CNTNAP2: variants seen among roughly 807,000 people sequenced by gnomAD.
The protein encoded by CNTNAP2 is contactin associated protein 2, also known as contactin-associated protein-like 2.
A neutral mutation model predicts 155.2 loss-of-function variants in CNTNAP2; 98 were observed. That is an observed-to-expected ratio of 0.63 (90% CI 0.54 to 0.75). The LOEUF is 0.75. Among genes scored for constraint, CNTNAP2 ranks in the 30% least tolerant of loss-of-function variants. The probability of loss-of-function intolerance (pLI) is 0.00; values close to 1 mark genes in which losing one functional copy is unlikely to be tolerated. For missense variants in CNTNAP2, 1,727 were observed against 1,688.1 expected (o/e 1.02, Z -0.40); for synonymous variants, 651 against 631.2 (o/e 1.03, Z -0.47).
At chr7:146,463,046 G>A (rs570549485) in intron 1 of CNTNAP2, among the ~76,000 whole-genome samples, 65 of 152,030 alleles carry the variant, frequency 4.3e-4, no homozygotes, top group Non-Finnish European at 8.2e-4. Context: ...TGGGAGCAAG[G>A]GAAGGGCAGA....
intron 12 of CNTNAP2, among the ~76,000 whole-genome samples, chr7:147,600,184 G>C (rs1407703889): frequency 6.6e-6 from 1 of 152,136 alleles, no homozygotes; most frequent in Non-Finnish European, 1.5e-5. Context: ...CTCATAACTT[G>C]ATCACTCCTA....
At position 148,145,664 on chromosome 7, in the gene CNTNAP2, T is replaced by A. The variant is rs1585150440; in HGVS notation, c.2555-1827T>A. Among the ~76,000 whole-genome samples, 8 of 152,304 alleles carry A rather than the reference T, an allele frequency of 5.3e-5. 1 individual carries two copies. The South Asian group carries it at 1.7e-3, about 32-fold the overall frequency. ...ACAGTGTTATGAGAACAGAACAGAT[T>A]TAATCTGAAACCAAGGCTACTTTTT... On this transcript the variant is annotated intron_variant, in intron 16 of 23. Transcript: ENST00000361727.
chr7:146,428,801 G>A (rs776941840), intron 1 of CNTNAP2, among the ~76,000 whole-genome samples: 7 of 151,772 alleles, frequency 4.6e-5, no homozygotes, highest in African/African-American at 7.3e-5. Context: ...TGTTTTTGGC[G>A]TTTTCATCAT....
intron 1 of CNTNAP2, among the ~76,000 whole-genome samples, chr7:146,123,697 GA>G (rs57766516): frequency 0.42 from 63,339 of 151,840 alleles, 15,134 homozygotes; most frequent in East Asian, 0.61. Flanking sequence ...AGGAATACAT[GA>G]AAAAAATAAT....
intron 1 of CNTNAP2, among the ~76,000 whole-genome samples, chr7:146,450,768 T>C (rs988692178): frequency 4.6e-5 from 7 of 152,146 alleles, no homozygotes; most frequent in Non-Finnish European, 1.0e-4. Flanking sequence ...ATCTTCAATT[T>C]TTTTCCTCTT....
At chr7:146,191,587 A>T (rs777894282) in intron 1 of CNTNAP2, among the ~76,000 whole-genome samples, 1 of 152,088 alleles carries the variant, frequency 6.6e-6, no homozygotes, top group African/African-American at 2.4e-5. Context: ...GGCTTATTTC[A>T]TCCCTTATCT....
chr7:146,133,198 G>A (rs1797743784), intron 1 of CNTNAP2, among the ~76,000 whole-genome samples: 2 of 152,046 alleles, frequency 1.3e-5, no homozygotes, highest in Non-Finnish European at 2.9e-5. Flanking sequence ...TTTTTTGTTT[G>A]CATAAATGTC....
intron 22 of CNTNAP2, among the ~76,000 whole-genome samples, chr7:148,397,759 C>T (rs1406011874): frequency 6.6e-6 from 1 of 152,230 alleles, no homozygotes; most frequent in Admixed American, 6.5e-5. Context: ...TGATGTGAGC[C>T]AGGCACCAGG....
intron 14 of CNTNAP2, among the ~76,000 whole-genome samples, chr7:147,968,413 T>C (rs10227736): frequency 0.13 from 19,662 of 152,194 alleles, 2,002 homozygotes; most frequent in African/African-American, 0.29. Flanking sequence ...TTAATCACTC[T>C]CATTGCTTCC....
chr7:147,362,886 T>C (rs1056307712), intron 9 of CNTNAP2, among the ~76,000 whole-genome samples: 2 of 151,934 alleles, frequency 1.3e-5, no homozygotes, highest in Non-Finnish European at 2.9e-5. Flanking sequence ...CAGAAGTTAA[T>C]AAAAAAAATT....
At chr7:147,919,483 G>A (rs1360123137) in intron 14 of CNTNAP2, among the ~76,000 whole-genome samples, 1 of 15,012 alleles carries the variant, frequency 6.7e-5, no homozygotes, top group Non-Finnish European at 1.3e-4. Flanking sequence ...TTTTGAGACA[G>A]AGTCTTGCTC....
intron 3 of CNTNAP2, among the ~76,000 whole-genome samples, chr7:147,028,503 C>A (rs935431464): frequency 2.0e-5 from 3 of 151,910 alleles, no homozygotes; most frequent in Admixed American, 1.3e-4. Flanking sequence ...ACAGGGGCAC[C>A]GTAGAGGTAT....
chr7:146,702,460 T>C (rs116687695), intron 1 of CNTNAP2, among the ~76,000 whole-genome samples: 2,625 of 152,290 alleles, frequency 0.017, 78 homozygotes, highest in African/African-American at 0.059. Flanking sequence ...TTAAATACTC[T>C]GAGTCAGAGC....
intron 2 of CNTNAP2, among the ~76,000 whole-genome samples, chr7:146,800,792 T>A (rs1802861973): frequency 6.6e-6 from 1 of 152,016 alleles, no homozygotes; most frequent in Non-Finnish European, 1.5e-5. Flanking sequence ...CTAGATATAA[T>A]CTCCCATAGG....
chr7:148,038,456 A>G (rs1802609490), intron 15 of CNTNAP2, among the ~76,000 whole-genome samples: 1 of 152,180 alleles, frequency 6.6e-6, no homozygotes, highest in Non-Finnish European at 1.5e-5. Context: ...AGCAGAATCC[A>G]TTGTTTCTTC....
At chr7:147,727,191 G>C (rs915554958) in intron 13 of CNTNAP2, among the ~76,000 whole-genome samples, 1 of 151,928 alleles carries the variant, frequency 6.6e-6, no homozygotes, top group African/African-American at 2.4e-5. Flanking sequence ...TTGGTGTGTA[G>C]GTAGGAACTG....
chr7:147,459,701 A>G (rs559234864), intron 10 of CNTNAP2, among the ~76,000 whole-genome samples: 5 of 152,212 alleles, frequency 3.3e-5, no homozygotes, highest in Admixed American at 2.0e-4. Flanking sequence ...GCAAGGAAAC[A>G]GTTTCTCTCC....
intron 10 of CNTNAP2, among the ~76,000 whole-genome samples, chr7:147,412,247 A>G (rs536084201): frequency 1.3e-5 from 2 of 152,186 alleles, no homozygotes; most frequent in South Asian, 4.1e-4. Flanking sequence ...TTCATCTCAC[A>G]TCACTCTCCT....
At chr7:148,320,662 G>C (rs1056650548) in intron 21 of CNTNAP2, among the ~76,000 whole-genome samples, 1 of 152,056 alleles carries the variant, frequency 6.6e-6, no homozygotes, top group African/African-American at 2.4e-5. Flanking sequence ...GGGATTACAG[G>C]CGTGAGCCAC....
Sources: gnomAD v4.1 joint callset for allele counts (sites outside exome capture counted in the v4.1 genomes callset) on GRCh38, gnomAD v4.1.1 for gene constraint, MANE v1.5 for transcripts, NCBI Gene and HGNC (gene_info 2026-07-23, HGNC 2026-07-21) for gene names.